CDH13: variants seen among roughly 807,000 people sequenced by gnomAD.
CDH13 encodes the protein cadherin 13.
In CDH13, 24 loss-of-function variants were observed where a neutral mutation model predicts 63.8. That is an observed-to-expected ratio of 0.38 (90% CI 0.27 to 0.53). CDH13 has a LOEUF of 0.53. Ranked by LOEUF, CDH13 falls within the 20% of genes least tolerant of loss-of-function variation. The pLI, the probability that CDH13 is intolerant of heterozygous loss-of-function variation, is 0.85. For synonymous variants in CDH13, 503 were observed against 355.3 expected, an observed-to-expected ratio of 1.42 and a Z score of -4.67; for missense variants, 1,049 against 903.1, an observed-to-expected ratio of 1.16 and a Z score of -2.07.
intron 6 of CDH13, among the ~76,000 whole-genome samples, chr16:83,456,830 C>T (rs533453685): frequency 4.5e-4 from 69 of 152,238 alleles, no homozygotes; most frequent in African/African-American, 1.6e-3. Flanking sequence ...GGCATGGTGG[C>T]ACACACCTGT....
chr16:83,779,903 A>G (rs1341199224), intron 11 of CDH13, 65 bp from the exon 12 acceptor site: 10 of 1,048,160 alleles, frequency 9.5e-6, no homozygotes, highest in Non-Finnish European at 1.4e-5. Flanking sequence ...CAATGCAAAA[A>G]GTGCTATGGT....
At chr16:82,701,419 C>A (rs190406375) in intron 1 of CDH13, among the ~76,000 whole-genome samples, 237 of 152,244 alleles carry the variant, frequency 1.6e-3, no homozygotes, top group Non-Finnish European at 2.2e-3. Context: ...GTTTGACATG[C>A]ATTGTCATTC....
At chr16:82,790,234 A>C (rs1010395177) in intron 1 of CDH13, among the ~76,000 whole-genome samples, 1 of 152,118 alleles carries the variant, frequency 6.6e-6, no homozygotes, top group Non-Finnish European at 1.5e-5. Flanking sequence ...TAGGAGTTCA[A>C]GACCAGCCTG....
At chr16:83,223,515 C>T (rs570078274) in intron 5 of CDH13, among the ~76,000 whole-genome samples, 1 of 152,332 alleles carries the variant, frequency 6.6e-6, no homozygotes, top group East Asian at 1.9e-4. Flanking sequence ...AAGGTCGCTG[C>T]TGGCTCTTCC....
chr16:82,857,653 G>T (rs1024330372), intron 1 of CDH13, among the ~76,000 whole-genome samples: 1 of 152,116 alleles, frequency 6.6e-6, no homozygotes, highest in Admixed American at 6.6e-5. Context: ...AAGTTTTATA[G>T]TAGCCAAGTT....
chr16:83,328,145 G>GAA (rs370035854), intron 5 of CDH13, among the ~76,000 whole-genome samples: 23,464 of 149,926 alleles, frequency 0.16, 2,002 homozygotes, highest in Admixed American at 0.25. Flanking sequence ...AAAAGAAAAA[G>GAA]AAAAAAAATT....
intron 2 of CDH13, among the ~76,000 whole-genome samples, chr16:82,923,115 T>C (rs1032224205): frequency 3.3e-5 from 5 of 152,164 alleles, no homozygotes; most frequent in African/African-American, 4.8e-5. Context: ...ATGGCGCCAA[T>C]AGACTTGCTC....
intron 6 of CDH13, among the ~76,000 whole-genome samples, chr16:83,400,522 C>A (rs1156824257): frequency 6.6e-6 from 1 of 152,174 alleles, no homozygotes; most frequent in Non-Finnish European, 1.5e-5. Flanking sequence ...ACCCTGGGTT[C>A]TCCCCAATGC....
intron 7 of CDH13, among the ~76,000 whole-genome samples, chr16:83,529,258 G>A (rs563337162): frequency 3.6e-4 from 55 of 152,246 alleles, no homozygotes; most frequent in African/African-American, 1.3e-3. Flanking sequence ...TAGCTTTGCA[G>A]TGTACAAGCT....
chr16:82,675,085 A>G (rs1913742316), intron 1 of CDH13, among the ~76,000 whole-genome samples: 1 of 150,208 alleles, frequency 6.7e-6, no homozygotes, highest in Admixed American at 6.7e-5. Context: ...ATAGTTAGGG[A>G]ATGGATATCA....
At chr16:83,124,035 C>A (rs1334139012) in intron 3 of CDH13, among the ~76,000 whole-genome samples, 1 of 151,958 alleles carries the variant, frequency 6.6e-6, no homozygotes, top group East Asian at 1.9e-4. Flanking sequence ...GTTGTTTGCC[C>A]CACTTTCTTT....
At chr16:83,550,204 C>G (rs577027026) in intron 7 of CDH13, among the ~76,000 whole-genome samples, 22 of 152,328 alleles carry the variant, frequency 1.4e-4, no homozygotes, top group African/African-American at 5.1e-4. Context: ...GCCCCAAGTA[C>G]TTGAGAGGGA....
chr16:83,081,556 A>G (rs2033253483), intron 3 of CDH13, among the ~76,000 whole-genome samples: 1 of 152,176 alleles, frequency 6.6e-6, no homozygotes, highest in Non-Finnish European at 1.5e-5. Context: ...TAGTATAGAA[A>G]ACAAACATTT....
chr16:83,337,394 G>A (rs1254680920), intron 5 of CDH13, among the ~76,000 whole-genome samples: 1 of 152,098 alleles, frequency 6.6e-6, no homozygotes, highest in Non-Finnish European at 1.5e-5. Flanking sequence ...TTCAGGAGTT[G>A]AGCCCCTTTT....
intron 2 of CDH13, among the ~76,000 whole-genome samples, chr16:82,951,597 C>G (rs537835274): frequency 1.4e-4 from 21 of 152,270 alleles, no homozygotes; most frequent in African/African-American, 4.6e-4. Context: ...TTGAGATGCC[C>G]AAGCAGGAGT....
intron 3 of CDH13, among the ~76,000 whole-genome samples, chr16:83,090,346 C>T (rs981650414): frequency 1.3e-5 from 2 of 152,086 alleles, no homozygotes; most frequent in East Asian, 1.9e-4. Context: ...GAGGCCGAGG[C>T]GGGCAGATCA....
intron 4 of CDH13, among the ~76,000 whole-genome samples, chr16:83,203,084 C>A (rs2039079064): frequency 6.6e-6 from 1 of 152,078 alleles, no homozygotes. Context: ...ATTAGCCAGG[C>A]ATAGTGGTGC....
chr16:83,547,973 C>G (rs79773976), intron 7 of CDH13, among the ~76,000 whole-genome samples: 4,933 of 152,262 alleles, frequency 0.032, 290 homozygotes, highest in African/African-American at 0.11. Flanking sequence ...TGCTAGGAAT[C>G]TTCCTTGGTA....
chr16:82,879,509 ATATT>A (rs1399811525), intron 2 of CDH13, among the ~76,000 whole-genome samples: 2 of 144,368 alleles, frequency 1.4e-5, no homozygotes, highest in African/African-American at 5.0e-5. Context: ...TATTTAATAT[ATATT>A]TATAGTATAT....
Sources: allele counts gnomAD v4.1 joint callset (sites outside exome capture counted in the v4.1 genomes callset), GRCh38; gene constraint gnomAD v4.1.1; transcripts MANE v1.5; gene names NCBI Gene and HGNC (gene_info 2026-07-23, HGNC 2026-07-21).